The following PRR36 variants were observed in gnomAD, a reference collection of about 807,000 sequenced individuals.
PRR36 encodes the protein proline-rich protein 36.
In PRR36, 30 loss-of-function variants were observed where a neutral mutation model predicts 58.6. That is an observed-to-expected ratio of 0.51 (90% CI 0.38 to 0.69). The LOEUF (loss-of-function observed/expected upper bound fraction) is 0.69. PRR36 is among the 30% of genes least tolerant of loss of function. The probability of loss-of-function intolerance (pLI) is 0.00; values close to 1 mark genes in which losing one functional copy is unlikely to be tolerated. For synonymous variants in PRR36, 771 were observed against 829.3 expected (o/e 0.93, Z 1.21); for missense variants, 1,692 against 1,805.6 (o/e 0.94, Z 1.14).
At position 7,870,168 on chromosome 19, in the gene PRR36, G is replaced by T. The variant is rs929516564; in HGVS notation, c.3076C>A (p.Pro1026Thr). 5 of 1,433,950 alleles carry T rather than the reference G, an allele frequency of 3.5e-6. No individual in the cohort carries two copies. The highest frequency in any genetic ancestry group is 3.6e-6 in the Non-Finnish European group (4 of 1,100,026). The allele number at this position is 1,433,950 out of a possible 1,614,324, so 88.8% of individuals were successfully genotyped here. The change falls in exon 5 of 6, where the codon CCT becomes ACT. Residue 1026 changes from proline to threonine, a missense_variant. Pro to Thr is a conservative substitution (Grantham distance 38). This residue lies in a region of PRR36 where 485 missense variants were observed against 549.2 expected (regional missense o/e 0.88). Transcript: ENST00000618550. ...TPPLQALPSP[P>T]ASFPGQAPFS... ...GGGGCCTGCCCAGGGAATGAGGCAG[G>T]CGGAGAGGGAAGGGCCTGCAGAGGA...
chr19:7,872,150 T>C lies in PRR36; in HGVS notation c.1094A>G (p.Gln365Arg), dbSNP rs1251556500. ...GGCTAGAGGAAGGGGCGTGGCCAAC[T>C]GACAGGTAAGGCTCGACGAGTGGGG... ...ATPHSSSLTC[Q>R]LATPLPLAPP... The change falls in exon 5 of 6, where the codon CAG (glutamine) becomes CGG (arginine). Residue 365 changes from glutamine (Q) to arginine (R), a missense_variant. By Grantham distance (43) the Gln-to-Arg change is conservative. This residue lies in a region of PRR36 where 975 missense variants were observed against 955.2 expected (regional missense o/e 1.02). Transcript: ENST00000618550. The surrounding 1 kb of genome is among the most constrained non-coding windows in gnomAD (Gnocchi z 6.1). 4.5e-5 allele frequency: 67 copies of C among 1,476,174 alleles called. No individual in the cohort carries two copies. Among genetic ancestry groups the C allele is most frequent in the Non-Finnish European group, 5.9e-5 (66 of 1,117,470 alleles). The allele number at this position is 1,476,174 out of a possible 1,614,324, so 91.4% of individuals were successfully genotyped here.
chr19:7,871,932 G>T lies in PRR36; in HGVS notation c.1312C>A (p.Gln438Lys), dbSNP rs1446306727. The T allele has an allele frequency of 7.8e-6, 12 of 1,535,868 alleles. No individual in the cohort carries two copies. The highest frequency in any genetic ancestry group is 1.0e-5 in the Non-Finnish European group (12 of 1,146,846). ...AGAGAGGGCAACGCTGGATTAGCTT[G>T]GGTGGGGGGCATACTCTGCAGAGGG... is the stretch of plus-strand genomic sequence containing the variant. ...SSPLQSMPPT[Q>K]ANPALPSLPT... Residue 438 changes from glutamine (Q) to lysine (K), a missense_variant, in exon 5 of 6, where the codon CAA (glutamine) becomes AAA (lysine). Physicochemically the swap from Gln to Lys is moderately conservative, Grantham distance 53. Around this residue, in one of 5 missense-constraint regions of PRR36, gnomAD observed 975 missense variants for 955.2 expected, o/e 1.02. Transcript: ENST00000618550.
rs1309789360 is a variant in PRR36, at chr19:7,870,818, A to G, written c.2426T>C (p.Ile809Thr). ...TTPPPETPSSIATPPPQAPPA... is the reference protein window; with the variant it reads ...TTPPPETPSSTATPPPQAPPA... ...TGGGGCCTGTGGAGGAGGCGTGGCTATGGAAGAGGGCGTCTCCGGAGGGGG... is the reference window on the plus strand; with the variant it reads ...TGGGGCCTGTGGAGGAGGCGTGGCTGTGGAAGAGGGCGTCTCCGGAGGGGG... The change falls in exon 5 of 6, where the codon ATA (isoleucine) becomes ACA (threonine). Residue 809 changes from isoleucine to threonine, a missense_variant. By Grantham distance (89) the Ile-to-Thr change is moderately conservative. Around this residue, in one of 5 missense-constraint regions of PRR36, gnomAD observed 171 missense variants for 146.2 expected, o/e 1.17. Coordinates refer to ENST00000618550, the MANE Select transcript of PRR36 (RefSeq NM_001190467.2). 3.5e-6 allele frequency: 5 copies of G among 1,440,408 alleles called. No individual in the cohort carries two copies. Among genetic ancestry groups the G allele is most frequent in the Non-Finnish European group, 4.5e-6 (5 of 1,103,992 alleles). 89.2% of individuals were successfully genotyped at this position (1,440,408 alleles called of 1,614,324 possible).
Position 7,873,595 on chromosome 19 carries a change from G to C in PRR36, c.95C>G (p.Ser32Cys). ...PGLLTPRPPG[S>C]PRPPPPVTPA... Reference sequence around the variant, plus strand: ...AGTTACTGGGGGAGGGGGTCGAGGAGAGCCTGGGGGCCTGGGGGTCAGAAG... The same window carrying C: ...AGTTACTGGGGGAGGGGGTCGAGGACAGCCTGGGGGCCTGGGGGTCAGAAG... Residue 32 changes from serine (S) to cysteine (C), a missense_variant, in exon 2 of 6, where the codon TCT becomes TGT. By Grantham distance (112) the Ser-to-Cys change is moderately radical (BLOSUM62 -1). This residue lies in a region of PRR36 where 975 missense variants were observed against 955.2 expected (regional missense o/e 1.02). Transcript: ENST00000618550. The surrounding 1 kb of genome is among the most constrained non-coding windows in gnomAD (Gnocchi z 5.0). 1 of 1,535,092 alleles carries C rather than the reference G, an allele frequency of 6.5e-7. No homozygotes were observed. The highest frequency in any genetic ancestry group is 2.4e-5 in the East Asian group (1 of 40,894).
In PRR36 at chr19:7,870,433, T is replaced by TGGGGGAGAGGCA; in HGVS notation, c.2799_2810dup (p.Ala934_Pro937dup). The TGGGGGAGAGGCA allele has an allele frequency of 1.2e-5, 3 of 240,034 alleles. No individual in the cohort carries two copies. The highest frequency in any genetic ancestry group is 1.6e-5 in the Non-Finnish European group (3 of 192,360). 14.9% of individuals were successfully genotyped at this position (240,034 alleles called of 1,614,324 possible). A position where few individuals can be genotyped will look rare whatever the true frequency, so the allele number is the denominator to read the frequency against. ...GAGGGGGCGTGGCTGAAGGAGACAT[T>TGGGGGAGAGGCA]GGGGGAGAGGCAGGGGGAGAGGGTG... On this transcript the variant is annotated inframe_insertion, in exon 5 of 6. Coordinates refer to ENST00000618550, the MANE Select transcript of PRR36 (RefSeq NM_001190467.2).
In PRR36 at chr19:7,871,518, T is replaced by C; in HGVS notation, c.1726A>G (p.Met576Val). The change falls in exon 5 of 6, where the codon ATG becomes GTG. Residue 576 changes from methionine to valine, a missense_variant. Physicochemically the swap from Met to Val is conservative, Grantham distance 21. This residue lies in a region of PRR36 where 975 missense variants were observed against 955.2 expected (regional missense o/e 1.02). Transcript: ENST00000618550. ...QAPPSMTTPPMQAPPSLQTIP... is the reference protein window; with the variant it reads ...QAPPSMTTPPVQAPPSLQTIP... ...GTCTGGAGAGAGGGCGGGGCCTGCATAGGGGGCGTAGTCATAGAAGGTGGG... is the reference window on the plus strand; with the variant it reads ...GTCTGGAGAGAGGGCGGGGCCTGCACAGGGGGCGTAGTCATAGAAGGTGGG... 6.6e-7 allele frequency: 1 copy of C among 1,522,296 alleles called. No individual in the cohort carries two copies. The highest frequency in any genetic ancestry group is 1.2e-5 in the South Asian group (1 of 83,476). 94.3% of individuals were successfully genotyped at this position (1,522,296 alleles called of 1,614,324 possible).
At position 7,872,938 on chromosome 19, in the gene PRR36, C is replaced by G. The variant is rs757768325; in HGVS notation, c.398G>C (p.Gly133Ala). The G allele has an allele frequency of 1.7e-4, 268 of 1,536,094 alleles. 4 individuals carry two copies. In the Middle Eastern group the frequency reaches 0.013, roughly 76 times the overall value. Residue 133 changes from glycine to alanine, a missense_variant, in exon 4 of 6, where the codon GGA becomes GCA. Physicochemically the swap from Gly to Ala is moderately conservative, Grantham distance 60. Transcript: ENST00000618550. The surrounding 1 kb of genome is among the most constrained non-coding windows in gnomAD (Gnocchi z 6.1). ...AGTTTCCTCCGCTGAGATCCGGAGT[C>G]CCTTCTGGCCAAGAGGGCCTGGCCT... ...TTRPGPLGQKGLRISAEETVA... is the reference protein window; with the variant it reads ...TTRPGPLGQKALRISAEETVA...
In PRR36 at chr19:7,871,116, G is replaced by T; in HGVS notation, c.2128C>A (p.Pro710Thr). ...QAPLSSLIMPPLETQSSLAPP... is the reference protein window; with the variant it reads ...QAPLSSLIMPTLETQSSLAPP... ...GCTAGGGAAGATTGGGTCTCCAGAG[G>T]GGGCATGATCAGGGAAGAGAGAGGT... The change falls in exon 5 of 6, where the codon CCT becomes ACT. Residue 710 changes from proline (P) to threonine (T), a missense_variant. This residue lies in a region of PRR36 where 975 missense variants were observed against 955.2 expected (regional missense o/e 1.02). Transcript: ENST00000618550. 1 of 1,534,974 alleles carries T rather than the reference G, an allele frequency of 6.5e-7. No homozygotes were observed. Among genetic ancestry groups the T allele is most frequent in the East Asian group, 2.4e-5 (1 of 40,888 alleles).
At position 7,869,223 on chromosome 19, in the gene PRR36, G is replaced by T; in HGVS notation, c.3851C>A (p.Ala1284Glu). The T allele has an allele frequency of 6.6e-7, 1 of 1,521,142 alleles. No homozygotes were observed. Among genetic ancestry groups the T allele is most frequent in the Non-Finnish European group, 8.8e-7 (1 of 1,140,710 alleles). The allele number at this position is 1,521,142 out of a possible 1,614,324, so 94.2% of individuals were successfully genotyped here. A position where few individuals can be genotyped will look rare whatever the true frequency, so the allele number is the denominator to read the frequency against. ...AGGSGGGPGGAEGGGVTGGAR... is the reference protein window; with the variant it reads ...AGGSGGGPGGEEGGGVTGGAR... ...GCCCCCTGTGACGCCACCACCCTCC[G>T]CACCTCCTGGGCCCCCGCCGCTGCC... The change falls in exon 6 of 6, where the codon GCG (alanine) becomes GAG (glutamate). Residue 1284 changes from alanine (A) to glutamate (E), a missense_variant. Ala to Glu is a moderately radical substitution (Grantham distance 107). This residue lies in a region of PRR36 where 485 missense variants were observed against 549.2 expected (regional missense o/e 0.88). Coordinates refer to ENST00000618550, the MANE Select transcript of PRR36 (RefSeq NM_001190467.2).
Position 7,873,403 on chromosome 19 carries a change from A to G in PRR36, c.271+16T>C, listed in dbSNP as rs1253817069. On this transcript the variant is annotated intron_variant, in intron 2 of 5. Transcript: ENST00000618550. The surrounding 1 kb of genome is among the most constrained non-coding windows in gnomAD (Gnocchi z 5.0). The stretch of plus-strand genomic sequence containing the variant: ...AGGGAAGATGGGGGCGGAGCTGAGG[A>G]AGGAGGCTGGGGTACCAGGGTTTCG... 2 of 1,522,360 alleles carry G rather than the reference A, an allele frequency of 1.3e-6. No individual in the cohort carries two copies. Among genetic ancestry groups the G allele is most frequent in the South Asian group, 2.4e-5 (2 of 82,846 alleles). 94.3% of individuals were successfully genotyped at this position (1,522,360 alleles called of 1,614,324 possible). A position where few individuals can be genotyped will look rare whatever the true frequency, so the allele number is the denominator to read the frequency against.
At position 7,870,085 on chromosome 19, in the gene PRR36, G is replaced by A. The variant is rs966167997; in HGVS notation, c.3159C>T (p.Ala1053=). The A allele has an allele frequency of 6.7e-7, 1 of 1,495,504 alleles. No homozygotes were observed. The highest frequency in any genetic ancestry group is 8.9e-7 in the Non-Finnish European group (1 of 1,128,658). The allele number at this position is 1,495,504 out of a possible 1,614,324, so 92.6% of individuals were successfully genotyped here. ...MSPLATPPPQ[A]PPVLAAPLLQ... is the part of the protein sequence containing the mutation. ...GAAGGGGCGCTGCCAGAACAGGTGG[G>A]GCCTGTGGAGGAGGCGTGGCCAAAG... Residue 1053 remains alanine, a synonymous_variant, in exon 5 of 6, where the codon GCC becomes GCT. Coordinates refer to ENST00000618550, the MANE Select transcript of PRR36 (RefSeq NM_001190467.2).
Position 7,873,706 on chromosome 19 carries a change from C to T in PRR36, c.-7-10G>A. 6.5e-7 allele frequency: 1 copy of T among 1,532,052 alleles called. No homozygotes were observed. The highest frequency in any genetic ancestry group is 8.7e-7 in the Non-Finnish European group (1 of 1,144,914). 94.9% of individuals were successfully genotyped at this position (1,532,052 alleles called of 1,614,324 possible). On this transcript the variant is annotated splice_polypyrimidine_tract_variant and intron_variant, in intron 1 of 5. Coordinates refer to ENST00000618550, the MANE Select transcript of PRR36 (RefSeq NM_001190467.2). The surrounding 1 kb of genome is among the most constrained non-coding windows in gnomAD (Gnocchi z 5.0). ...GTTGTCCATCTTGCACCTGAAGAGA[C>T]AAACCGGTCCGCATCCCAGGTTCTG...
At position 7,871,835 on chromosome 19, in the gene PRR36, G is replaced by A. The variant is rs377119372; in HGVS notation, c.1409C>T (p.Pro470Leu). The A allele has an allele frequency of 6.5e-7, 1 of 1,535,998 alleles. No individual in the cohort carries two copies. The change falls in exon 5 of 6, where the codon CCG (proline) becomes CTG (leucine). Residue 470 changes from proline (P) to leucine (L), a missense_variant. Around this residue, in one of 5 missense-constraint regions of PRR36, gnomAD observed 975 missense variants for 955.2 expected, o/e 1.02. Coordinates refer to ENST00000618550, the MANE Select transcript of PRR36 (RefSeq NM_001190467.2). ...AGCCGAATTCCCCAGAGATGTTGCC[G>A]GAGAAACAGGGCCTTGTAGAGGAGA... ...AMSPLQGPVSPATSLGNSAFP... is the reference protein window; with the variant it reads ...AMSPLQGPVSLATSLGNSAFP...
rs2145072501 is a variant in PRR36, at chr19:7,873,138, T to G, written c.374+59A>C. On this transcript the variant is annotated intron_variant, in intron 3 of 5. Transcript: ENST00000618550. The surrounding 1 kb of genome is among the most constrained non-coding windows in gnomAD (Gnocchi z 5.0). ...GCCCCAACTCGTGTAAAATAAAAGG[T>G]TCCAGACTCTGTGACGCTAACCCTG... 3 of 1,493,298 alleles carry G rather than the reference T, an allele frequency of 2.0e-6. No individual in the cohort carries two copies. The South Asian group carries it at 3.6e-5, about 18-fold the overall frequency. 92.5% of individuals were successfully genotyped at this position (1,493,298 alleles called of 1,614,324 possible).
rs1980445396 is a variant in PRR36 at position 7,871,527 on chromosome 19, T to C, written c.1717A>G (p.Thr573Ala). ...GAGGGCGGGGCCTGCATAGGGGGCG[T>C]AGTCATAGAAGGTGGGGCCTGTGGG... ...PHPQAPPSMT[T>A]PPMQAPPSLQ... Residue 573 changes from threonine to alanine, a missense_variant, in exon 5 of 6, where the codon ACG becomes GCG. Around this residue, in one of 5 missense-constraint regions of PRR36, gnomAD observed 975 missense variants for 955.2 expected, o/e 1.02. Coordinates refer to ENST00000618550, the MANE Select transcript of PRR36 (RefSeq NM_001190467.2). 6.5e-7 allele frequency: 1 copy of C among 1,527,720 alleles called. No homozygotes were observed. 94.6% of individuals were successfully genotyped at this position (1,527,720 alleles called of 1,614,324 possible).
Position 7,869,168 on chromosome 19 carries a change from G to A in PRR36, c.3906C>T (p.Leu1302=). 6.5e-7 allele frequency: 1 copy of A among 1,535,384 alleles called. No individual in the cohort carries two copies. The change falls in exon 6 of 6, where the codon CTC becomes CTT. Residue 1302 remains leucine (L), a synonymous_variant. Coordinates refer to ENST00000618550, the MANE Select transcript of PRR36 (RefSeq NM_001190467.2). ...GAGACAGTAGTTCGGCCCAGCGGCC[G>A]AGTTCGGCGTCGCTGAGTGCAGCCC... ...GARAALSDAE[L]GRWAELLSPL...
chr19:7,872,989 CCTAGGT>C lies in PRR36; in HGVS notation c.375-34_375-29del, dbSNP rs1171606691. The C allele has an allele frequency of 1.3e-6, 2 of 1,513,990 alleles. No individual in the cohort carries two copies. Among genetic ancestry groups the C allele is most frequent in the African/African-American group, 2.8e-5 (2 of 72,296 alleles). The allele number at this position is 1,513,990 out of a possible 1,614,324, so 93.8% of individuals were successfully genotyped here. On this transcript the variant is annotated intron_variant, in intron 3 of 5. Transcript: ENST00000618550. The surrounding 1 kb of genome is among the most constrained non-coding windows in gnomAD (Gnocchi z 6.1). Reference sequence around the variant, plus strand: ...GGAGACAGAAGGGGCCACGCTCAGGCCTAGGTCTTTGTTTGGCTTCCCAAGTCTCTA... The same window carrying C: ...GGAGACAGAAGGGGCCACGCTCAGGCCTTTGTTTGGCTTCCCAAGTCTCTA...
In PRR36 at chr19:7,872,221, C is replaced by A; in HGVS notation, c.1023G>T (p.Pro341=). 1.4e-6 allele frequency: 2 copies of A among 1,451,410 alleles called. No homozygotes were observed. The highest frequency in any genetic ancestry group is 2.8e-5 in the South Asian group (2 of 70,246). The allele number at this position is 1,451,410 out of a possible 1,614,324, so 89.9% of individuals were successfully genotyped here. Residue 341 remains proline (P), a synonymous_variant, in exon 5 of 6, where the codon CCG becomes CCT. Coordinates refer to ENST00000618550, the MANE Select transcript of PRR36 (RefSeq NM_001190467.2). The surrounding 1 kb of genome is among the most constrained non-coding windows in gnomAD (Gnocchi z 6.1). ...LPPSPPVTPP[P]PAALQSQAPP... ...GGGCCTGACTTTGGAGAGCGGCTGG[C>A]GGAGGGGGCGTTACCGGTGGAGAGG...
rs1446868518 is a variant in PRR36 at position 7,868,978 on chromosome 19, G to T, written c.*55C>A. ...GGGTCTAAAACAAACGGCGTACCCGGAGGGGCGGATCCTAAGGCAGGGGTG... is the reference window on the plus strand; with the variant it reads ...GGGTCTAAAACAAACGGCGTACCCGTAGGGGCGGATCCTAAGGCAGGGGTG... On this transcript the variant is annotated 3_prime_UTR_variant, in exon 6 of 6. Coordinates refer to ENST00000618550, the MANE Select transcript of PRR36 (RefSeq NM_001190467.2). 6.9e-7 allele frequency: 1 copy of T among 1,454,112 alleles called. No homozygotes were observed. Among genetic ancestry groups the T allele is most frequent in the Non-Finnish European group, 9.1e-7 (1 of 1,104,548 alleles). 90.1% of individuals were successfully genotyped at this position (1,454,112 alleles called of 1,614,324 possible).
Sources: allele counts gnomAD v4.1 joint callset, GRCh38; gene constraint gnomAD v4.1.1; regional missense constraint gnomAD v4.1.1; non-coding constraint Gnocchi (gnomAD v3.1); transcripts MANE v1.5; gene names NCBI Gene and HGNC (gene_info 2026-07-23, HGNC 2026-07-21).